The following ASIC2 variants were observed in gnomAD, a reference collection of about 807,000 sequenced individuals.
ASIC2 encodes the protein acid sensing ion channel subunit 2, also known as acid-sensing ion channel 2.
Under a neutral mutation model 57.3 loss-of-function variants are expected in ASIC2, and 25 were observed. That is an observed-to-expected ratio of 0.44 (90% confidence interval 0.32 to 0.61). The LOEUF is 0.61. Ranked by LOEUF, ASIC2 falls within the 20% of genes least tolerant of loss-of-function variation. The pLI is 0.06. For missense variants in ASIC2, 641 were observed against 738.1 expected, an observed-to-expected ratio of 0.87 and a Z score of 1.52; for synonymous variants, 319 against 307.5, an observed-to-expected ratio of 1.04 and a Z score of -0.39.
At chr17:33,968,680 G>A (rs1180350708) in intron 1 of ASIC2, among the ~76,000 whole-genome samples, 1 of 152,230 alleles carries the variant, frequency 6.6e-6, no homozygotes, top group East Asian at 1.9e-4. Flanking sequence ...TTCTGGGTCA[G>A]GAAGCGCCCA....
At chr17:33,637,220 G>C (rs1345077647) in intron 1 of ASIC2, among the ~76,000 whole-genome samples, 1 of 152,032 alleles carries the variant, frequency 6.6e-6, no homozygotes, top group Non-Finnish European at 1.5e-5. Flanking sequence ...GTTTTTCCTT[G>C]ATTGTTTCTC....
At chr17:33,497,900 G>T (rs952858167) in intron 1 of ASIC2, among the ~76,000 whole-genome samples, 1 of 152,192 alleles carries the variant, frequency 6.6e-6, no homozygotes, top group Non-Finnish European at 1.5e-5. Flanking sequence ...TTCCCCACAA[G>T]CTCTGAATTA....
intron 3 of ASIC2, among the ~76,000 whole-genome samples, chr17:33,049,206 C>T (rs1163764503): frequency 5.9e-5 from 9 of 152,146 alleles, no homozygotes; most frequent in South Asian, 2.1e-4. Flanking sequence ...AGGAGAGTGT[C>T]GGCACAATGG....
At chr17:33,726,300 C>T (rs1459048987) in intron 1 of ASIC2, among the ~76,000 whole-genome samples, 1 of 152,126 alleles carries the variant, frequency 6.6e-6, no homozygotes, top group East Asian at 1.9e-4. Context: ...CTGACCACAC[C>T]TGTATGAGAG....
rs145100889 is a variant in ASIC2 at position 33,385,601 on chromosome 17, T to G, written c.556-273534A>C. 1.9e-3 allele frequency among the ~76,000 whole-genome samples: 296 copies of G among 152,384 alleles called. 1 individual carries two copies. The Middle Eastern group carries it at 0.02, about 11-fold the overall frequency. ...TCTTGTAATAAAAGGATTTCATTAC[T>G]AATGGAGACAGCTGCGTAATGCAGC... On this transcript the variant is annotated intron_variant, in intron 1 of 9. Transcript: ENST00000359872.
intron 1 of ASIC2, among the ~76,000 whole-genome samples, chr17:33,260,419 C>T (rs1909236689): frequency 6.6e-6 from 1 of 152,198 alleles, no homozygotes; most frequent in Non-Finnish European, 1.5e-5. Flanking sequence ...GCAGAGGCCA[C>T]TCTGAGCTTC....
chr17:33,343,546 G>A (rs1907818069), intron 1 of ASIC2, among the ~76,000 whole-genome samples: 1 of 152,262 alleles, frequency 6.6e-6, no homozygotes, highest in South Asian at 2.1e-4. Context: ...TGACATGGGG[G>A]GAGTCTACGG....
chr17:33,291,872 A>G lies in ASIC2; in HGVS notation c.244T>C (p.Ser82Pro). Residue 82 changes from serine to proline, a missense_variant, in exon 1 of 10, where the codon TCC (serine) becomes CCC (proline). Around this residue, in one of 3 missense-constraint regions of ASIC2, gnomAD observed 382 missense variants for 398.0 expected, o/e 0.96. Transcript: ENST00000225823. ...ACCCACAGCGCCCGCCGCTGGAAGG[A>G]GCCCCCAGCCGCCGTGCGCCCGGCA... is the stretch of plus-strand genomic sequence containing the variant. ...MCAGRTAAGG[S>P]FQRRALWVLA... 1 of 1,607,684 alleles carries G rather than the reference A, an allele frequency of 6.2e-7. No individual in the cohort carries two copies. Among genetic ancestry groups the G allele is most frequent in the Non-Finnish European group, 8.5e-7 (1 of 1,179,282 alleles).
intron 1 of ASIC2, among the ~76,000 whole-genome samples, chr17:33,805,995 C>G (rs1019012743): frequency 6.6e-6 from 1 of 152,220 alleles, no homozygotes; most frequent in African/African-American, 2.4e-5. Flanking sequence ...TTTAAACACT[C>G]TTCTTCACAG....
chr17:33,841,700 G>C (rs35379597), intron 1 of ASIC2, among the ~76,000 whole-genome samples: 3,858 of 152,294 alleles, frequency 0.025, 184 homozygotes, highest in African/African-American at 0.089. Context: ...AGAGAGGGAG[G>C]CATCAGTCAG....
At chr17:33,498,063 T>A (rs1567631151) in intron 1 of ASIC2, among the ~76,000 whole-genome samples, 1 of 152,264 alleles carries the variant, frequency 6.6e-6, no homozygotes, top group Admixed American at 6.5e-5. Context: ...AAGAAGGATG[T>A]GTGCTGTGTC....
At chr17:33,634,047 G>A (rs930433783) in intron 1 of ASIC2, among the ~76,000 whole-genome samples, 1 of 152,166 alleles carries the variant, frequency 6.6e-6, no homozygotes, top group Non-Finnish European at 1.5e-5. Context: ...GGTGCTGCTA[G>A]ACCACAGCTT....
chr17:34,000,339 C>T (rs760730630), intron 1 of ASIC2, among the ~76,000 whole-genome samples: 1 of 151,494 alleles, frequency 6.6e-6, no homozygotes, highest in Non-Finnish European at 1.5e-5. Context: ...GCAACCTCCA[C>T]CTCCTGGGTT....
chr17:33,455,152 T>A (rs905657217), intron 1 of ASIC2, among the ~76,000 whole-genome samples: 1 of 152,204 alleles, frequency 6.6e-6, no homozygotes, highest in Non-Finnish European at 1.5e-5. Context: ...CACCTTTATT[T>A]TTTTCTTTAT....
At chr17:33,781,190 C>T (rs1302891611) in intron 1 of ASIC2, among the ~76,000 whole-genome samples, 4 of 152,176 alleles carry the variant, frequency 2.6e-5, no homozygotes, top group Non-Finnish European at 4.4e-5. Context: ...TGCTAACAGC[C>T]ACGCAGCTTA....
chr17:33,656,337 T>A (rs1907074573), intron 1 of ASIC2, among the ~76,000 whole-genome samples: 1 of 152,150 alleles, frequency 6.6e-6, no homozygotes, highest in Non-Finnish European at 1.5e-5. Context: ...AAGACCATGT[T>A]AATGGAAATA....
intron 1 of ASIC2, among the ~76,000 whole-genome samples, chr17:33,730,708 G>C (rs1357373240): frequency 6.6e-6 from 1 of 152,116 alleles, no homozygotes; most frequent in African/African-American, 2.4e-5. Context: ...ACTTCAACTT[G>C]GATTTGAACT....
intron 1 of ASIC2, among the ~76,000 whole-genome samples, chr17:33,910,857 A>G (rs1409388318): frequency 3.3e-5 from 5 of 152,214 alleles, no homozygotes; most frequent in Non-Finnish European, 5.9e-5. Context: ...TGATGTTTGA[A>G]GTAGATCTAG....
chr17:33,585,229 A>AGAGCCAGGCAGGCCAT (rs1555545761), intron 1 of ASIC2, among the ~76,000 whole-genome samples: 2 of 151,114 alleles, frequency 1.3e-5, no homozygotes, highest in African/African-American at 2.4e-5. Context: ...AATCAGGGCA[A>AGAGCCAGGCAGGCCAT]GAGCCAGGCA....
Sources: allele counts gnomAD v4.1 joint callset (sites outside exome capture counted in the v4.1 genomes callset), GRCh38; gene constraint gnomAD v4.1.1; regional missense constraint gnomAD v4.1.1; transcripts MANE v1.5; gene names NCBI Gene and HGNC (gene_info 2026-07-23, HGNC 2026-07-21).